Variants in GRIA4 observed in about 807,000 individuals in gnomAD.
GRIA4 encodes the protein glutamate ionotropic receptor AMPA type subunit 4, also known as glutamate receptor 4.
A neutral mutation model predicts 104.0 loss-of-function variants in GRIA4; 34 were observed. The ratio of observed to expected loss-of-function variants is 0.33; its 90% confidence interval spans 0.25 to 0.44. The LOEUF (loss-of-function observed/expected upper bound fraction) is 0.44, where lower values mean the gene tolerates loss of function less well. GRIA4 is among the 20% of genes least tolerant of loss of function. GRIA4 has a pLI of 1.00. For synonymous variants in GRIA4, 386 were observed against 381.9 expected (o/e 1.01, Z -0.13); for missense variants, 750 against 1,096.5 (o/e 0.68, Z 4.46).
At chr11:105,668,310 CATAAT>C (rs999388172) in intron 3 of GRIA4, among the ~76,000 whole-genome samples, 7 of 145,846 alleles carry the variant, frequency 4.8e-5, no homozygotes, top group Non-Finnish European at 7.5e-5. Flanking sequence ...TATACATAGA[CATAAT>C]AGAATATTAT....
intron 5 of GRIA4, among the ~76,000 whole-genome samples, chr11:105,871,720 C>A (rs1945623566): frequency 6.6e-6 from 1 of 151,662 alleles, no homozygotes; most frequent in Non-Finnish European, 1.5e-5. Context: ...AAGAGAATGA[C>A]TTTGAAGTCA....
chr11:105,733,263 G>A (rs935382940), intron 3 of GRIA4, among the ~76,000 whole-genome samples: 2 of 152,082 alleles, frequency 1.3e-5, no homozygotes, highest in Non-Finnish European at 2.9e-5. Flanking sequence ...GAGAAGATAC[G>A]GTGTCAGTAT....
At chr11:105,784,154 A>G (rs1036602873) in intron 4 of GRIA4, among the ~76,000 whole-genome samples, 1 of 152,186 alleles carries the variant, frequency 6.6e-6, no homozygotes, top group African/African-American at 2.4e-5. Flanking sequence ...AAATGCTTAG[A>G]ACAGTACCTG....
intron 5 of GRIA4, among the ~76,000 whole-genome samples, chr11:105,881,577 T>G (rs1946061352): frequency 6.6e-6 from 1 of 152,142 alleles, no homozygotes; most frequent in Non-Finnish European, 1.5e-5. Flanking sequence ...ATCACTACTT[T>G]GAGAGGCAGC....
At chr11:105,951,322 C>G (rs1948450800) in intron 14 of GRIA4, among the ~76,000 whole-genome samples, 1 of 152,158 alleles carries the variant, frequency 6.6e-6, no homozygotes, top group Non-Finnish European at 1.5e-5. Flanking sequence ...GTAACAGAGA[C>G]CAGTTCTTAT....
intron 4 of GRIA4, among the ~76,000 whole-genome samples, chr11:105,831,457 G>T (rs183870651): frequency 6.6e-6 from 1 of 152,074 alleles, no homozygotes; most frequent in East Asian, 1.9e-4. Context: ...ACGGGAAAAG[G>T]ACACTGTTGG....
chr11:105,793,097 C>T (rs1341613896), intron 4 of GRIA4, among the ~76,000 whole-genome samples: 2 of 152,128 alleles, frequency 1.3e-5, no homozygotes, highest in Non-Finnish European at 2.9e-5. Context: ...ATTTAAAATA[C>T]TTTGAGTCAG....
intron 3 of GRIA4, among the ~76,000 whole-genome samples, chr11:105,685,786 T>C (rs116614053): frequency 0.017 from 2,489 of 143,834 alleles, 49 homozygotes; most frequent in African/African-American, 0.05. Flanking sequence ...TAACCTGGTA[T>C]GGATTACTTG....
At chr11:105,931,540 T>TA (rs1364695737) in intron 13 of GRIA4, among the ~76,000 whole-genome samples, 2 of 151,460 alleles carry the variant, frequency 1.3e-5, no homozygotes, top group African/African-American at 2.4e-5. Flanking sequence ...CCGTCTCTAC[T>TA]AAAAAAATAC....
intron 11 of GRIA4, among the ~76,000 whole-genome samples, chr11:105,919,156 T>G (rs542296538): frequency 6.6e-6 from 1 of 152,120 alleles, no homozygotes; most frequent in African/African-American, 2.4e-5. Context: ...GAATATACAA[T>G]CCTAGTTTTT....
At chr11:105,673,061 T>C (rs1185910166) in intron 3 of GRIA4, among the ~76,000 whole-genome samples, 1 of 152,100 alleles carries the variant, frequency 6.6e-6, no homozygotes, top group East Asian at 1.9e-4. Context: ...TAGAGTAAAC[T>C]CTAAACTCCA....
chr11:105,726,933 C>T (rs188193973), intron 3 of GRIA4, among the ~76,000 whole-genome samples: 1 of 152,044 alleles, frequency 6.6e-6, no homozygotes, highest in East Asian at 1.9e-4. Context: ...GAGGAAAAAC[C>T]ATTGCAAAAA....
chr11:105,653,999 CAAAAAAAAA>C lies in GRIA4; in HGVS notation c.247+41585_247+41593del. ...TATATGCAACGGAACACTATTTAGC[CAAAAAAAAA>C]AAAAAAAAAAAAAAAAAAAGAAAAC... On this transcript the variant is annotated intron_variant, in intron 3 of 16. Coordinates refer to ENST00000282499, the MANE Select transcript of GRIA4 (RefSeq NM_000829.4). Among the ~76,000 whole-genome samples the C allele has an allele frequency of 1.6e-3, 82 of 50,288 alleles. 1 individual carries two copies. Among genetic ancestry groups the C allele is most frequent in the African/African-American group, 5.9e-3 (75 of 12,736 alleles). The allele number at this position is 50,288 out of a possible 152,430, so 33.0% of individuals were successfully genotyped here.
chr11:105,656,315 C>T (rs1250316201), intron 3 of GRIA4, among the ~76,000 whole-genome samples: 1 of 152,038 alleles, frequency 6.6e-6, no homozygotes, highest in Non-Finnish European at 1.5e-5. Context: ...ACTGGCTAGC[C>T]ATATGCAGAA....
At chr11:105,663,786 A>G (rs1354896505) in intron 3 of GRIA4, among the ~76,000 whole-genome samples, 1 of 151,964 alleles carries the variant, frequency 6.6e-6, no homozygotes, top group African/African-American at 2.4e-5. Context: ...ATGACACTGA[A>G]GTCAATAGTC....
intron 4 of GRIA4, chr11:105,824,627 CATAA>C (rs1300862867): frequency 6.6e-6 from 1 of 152,066 alleles, no homozygotes; most frequent in Non-Finnish European, 1.5e-5. Context: ...ACAGAATGTA[CATAA>C]ATAGCTTTGC....
chr11:105,736,350 T>C (rs1938944901), intron 3 of GRIA4, among the ~76,000 whole-genome samples: 1 of 152,208 alleles, frequency 6.6e-6, no homozygotes, highest in Non-Finnish European at 1.5e-5. Flanking sequence ...GAGAGCCATA[T>C]TGAAAGAATA....
At chr11:105,836,683 G>C (rs894785222) in intron 4 of GRIA4, among the ~76,000 whole-genome samples, 11 of 152,078 alleles carry the variant, frequency 7.2e-5, no homozygotes, top group Admixed American at 1.3e-4. Flanking sequence ...CAAAGTTTCT[G>C]ATTCAATAAA....
At chr11:105,771,212 G>A (rs769743925) in intron 4 of GRIA4, among the ~76,000 whole-genome samples, 6 of 151,936 alleles carry the variant, frequency 3.9e-5, no homozygotes, top group Admixed American at 6.6e-5. Context: ...TGCCATTCTA[G>A]TTCTATCCAT....
Sources: allele counts gnomAD v4.1 joint callset (sites outside exome capture counted in the v4.1 genomes callset), GRCh38; gene constraint gnomAD v4.1.1; transcripts MANE v1.5; gene names NCBI Gene and HGNC (gene_info 2026-07-23, HGNC 2026-07-21).